Variants in CPA6 observed in about 807,000 individuals in gnomAD.
The protein encoded by CPA6 is carboxypeptidase B.
In CPA6, 58 loss-of-function variants were observed where a neutral mutation model predicts 63.3. The observed-to-expected ratio is 0.92, with a 90% CI of 0.74 to 1.14. The LOEUF (loss-of-function observed/expected upper bound fraction) is 1.14, where lower values mean the gene tolerates loss of function less well. CPA6 is among the 50% of genes most tolerant of loss of function. The pLI is 0.00. For missense variants in CPA6, 565 were observed against 526.6 expected (o/e 1.07, Z -0.71); for synonymous variants, 185 against 179.0 (o/e 1.03, Z -0.27).
chr8:67,659,801 C>T (rs913846760), intron 1 of CPA6, among the ~76,000 whole-genome samples: 1 of 152,188 alleles, frequency 6.6e-6, no homozygotes, highest in Admixed American at 6.5e-5. Flanking sequence ...TCACATTTAT[C>T]ATAAGTAATA....
chr8:67,491,847 T>C (rs1409935990), intron 6 of CPA6, among the ~76,000 whole-genome samples: 1 of 151,334 alleles, frequency 6.6e-6, no homozygotes, highest in Non-Finnish European at 1.5e-5. Context: ...CAAATCACTA[T>C]ATAAATAAAA....
intron 1 of CPA6, among the ~76,000 whole-genome samples, chr8:67,702,650 A>T (rs116338954): frequency 6.6e-6 from 1 of 152,188 alleles, no homozygotes; most frequent in Non-Finnish European, 1.5e-5. Flanking sequence ...TAACTGGTAT[A>T]TGGCCTTCCT....
intron 8 of CPA6, among the ~76,000 whole-genome samples, chr8:67,461,974 C>G (rs192196621): frequency 6.6e-6 from 1 of 151,646 alleles, no homozygotes; most frequent in African/African-American, 2.4e-5. Context: ...GTTGTGCATT[C>G]TAGAGGCTTT....
chr8:67,556,244 A>T (rs1225463026), intron 2 of CPA6, among the ~76,000 whole-genome samples: 1 of 152,208 alleles, frequency 6.6e-6, no homozygotes, highest in Non-Finnish European at 1.5e-5. Flanking sequence ...CTCAGGAACA[A>T]GTTTAGGAAA....
intron 10 of CPA6, among the ~76,000 whole-genome samples, chr8:67,427,543 C>T (rs1809920673): frequency 6.6e-6 from 1 of 152,102 alleles, no homozygotes; most frequent in African/African-American, 2.4e-5. Context: ...TGATCTCTGG[C>T]TCTGCTATAC....
chr8:67,630,141 T>C (rs538926685), intron 1 of CPA6, among the ~76,000 whole-genome samples: 1 of 108,682 alleles, frequency 9.2e-6, no homozygotes, highest in South Asian at 2.7e-4. Flanking sequence ...TAATAATAAT[T>C]TGTATTCATT....
chr8:67,564,140 A>C (rs1321100138), intron 2 of CPA6, among the ~76,000 whole-genome samples: 1 of 152,184 alleles, frequency 6.6e-6, no homozygotes, highest in Non-Finnish European at 1.5e-5. Context: ...CAAAAATGAC[A>C]TCACTGCCCC....
At position 67,517,990 on chromosome 8, in the gene CPA6, C is replaced by T; in HGVS notation, c.250G>A (p.Val84Ile). ...CGGGAACCATTTTGGGGGATATGGA[C>T]ATCAGTAACTGTTCCCTCTGATACA... ...SYVSEGTVTD[V>I]HIPQNGSRAL... The change falls in exon 3 of 11, where the codon GTC becomes ATC. Residue 84 changes from valine to isoleucine, a missense_variant. Coordinates refer to ENST00000297770, the MANE Select transcript of CPA6 (RefSeq NM_020361.5). 3 of 1,613,056 alleles carry T rather than the reference C, an allele frequency of 1.9e-6. No homozygotes were observed. The highest frequency in any genetic ancestry group is 2.2e-5 in the South Asian group (2 of 90,902).
intron 1 of CPA6, among the ~76,000 whole-genome samples, chr8:67,718,248 C>T (rs561557218): frequency 6.6e-6 from 1 of 152,142 alleles, no homozygotes; most frequent in East Asian, 1.9e-4. Context: ...AGGTAACTAT[C>T]CAGAAACTCA....
At chr8:67,593,066 G>C (rs1264424043) in intron 2 of CPA6, among the ~76,000 whole-genome samples, 1 of 150,070 alleles carries the variant, frequency 6.7e-6, no homozygotes, top group African/African-American at 2.5e-5. Flanking sequence ...ATGTGTCCCA[G>C]AGATTCTGGT....
chr8:67,589,817 G>C (rs377039381), intron 2 of CPA6, among the ~76,000 whole-genome samples: 135 of 152,036 alleles, frequency 8.9e-4, no homozygotes, highest in African/African-American at 3.0e-3. Flanking sequence ...TAAAGAAGAT[G>C]ATTCTCCTGA....
intron 2 of CPA6, among the ~76,000 whole-genome samples, chr8:67,605,147 T>C (rs181819554): frequency 1.3e-5 from 2 of 152,134 alleles, no homozygotes; most frequent in Admixed American, 6.5e-5. Context: ...GCTCCTTGTC[T>C]GAAGTCCAGT....
At chr8:67,529,163 A>T (rs529897210) in intron 2 of CPA6, among the ~76,000 whole-genome samples, 3 of 151,254 alleles carry the variant, frequency 2.0e-5, no homozygotes, top group South Asian at 2.1e-4. Flanking sequence ...CTTCCTATTT[A>T]AAAAAAAATG....
intron 2 of CPA6, among the ~76,000 whole-genome samples, chr8:67,586,026 G>A (rs778513047): frequency 6.6e-6 from 1 of 152,066 alleles, no homozygotes; most frequent in Non-Finnish European, 1.5e-5. Flanking sequence ...GCAATTATAG[G>A]GGTGACCGCA....
chr8:67,738,608 T>C (rs570609158), intron 1 of CPA6, among the ~76,000 whole-genome samples: 2 of 152,354 alleles, frequency 1.3e-5, no homozygotes, highest in African/African-American at 2.4e-5. Flanking sequence ...TAAAATGTTT[T>C]ACTATTTTCG....
At chr8:67,698,691 G>A (rs1185009653) in intron 1 of CPA6, among the ~76,000 whole-genome samples, 1 of 152,080 alleles carries the variant, frequency 6.6e-6, no homozygotes, top group African/African-American at 2.4e-5. Flanking sequence ...TCCCCAACTG[G>A]ATTTATAAGA....
chr8:67,422,762 C>T, intron 10 of CPA6, 71 bp from the exon 11 acceptor site: 3 of 1,127,526 alleles, frequency 2.7e-6, no homozygotes, highest in Non-Finnish European at 3.8e-6. Flanking sequence ...AATGTATATA[C>T]TATAAAGTAT....
intron 2 of CPA6, among the ~76,000 whole-genome samples, chr8:67,589,195 T>C (rs1814034369): frequency 6.6e-6 from 1 of 152,128 alleles, no homozygotes; most frequent in African/African-American, 2.4e-5. Context: ...GCTAAGAATG[T>C]GGTAGTTTTA....
chr8:67,512,525 T>C (rs1413878573), intron 3 of CPA6, among the ~76,000 whole-genome samples: 1 of 152,220 alleles, frequency 6.6e-6, no homozygotes, highest in African/African-American at 2.4e-5. Context: ...CCAGGCTTTG[T>C]GGAACCAGCT....
Sources: gnomAD v4.1 joint callset for allele counts (sites outside exome capture counted in the v4.1 genomes callset) on GRCh38, gnomAD v4.1.1 for gene constraint, MANE v1.5 for transcripts, NCBI Gene and HGNC (gene_info 2026-07-23, HGNC 2026-07-21) for gene names.